The following LARP1 variants were observed in gnomAD, a reference collection of about 807,000 sequenced individuals.
LARP1 encodes La ribonucleoprotein 1, translational regulator.
Under a neutral mutation model 122.7 loss-of-function variants are expected in LARP1, and 36 were observed. That is an observed-to-expected ratio of 0.29 (90% confidence interval 0.22 to 0.39). The LOEUF (loss-of-function observed/expected upper bound fraction) is 0.39. LARP1 is among the 10% of genes least tolerant of loss of function. LARP1 has a pLI of 1.00. For synonymous variants in LARP1, 539 were observed against 528.7 expected, an observed-to-expected ratio of 1.02 and a Z score of -0.27; for missense variants, 1,040 against 1,403.6, an observed-to-expected ratio of 0.74 and a Z score of 4.14.
chr5:154,701,475 C>G (rs912181752), intron 1 of LARP1, among the ~76,000 whole-genome samples: 1 of 152,144 alleles, frequency 6.6e-6, no homozygotes, highest in African/African-American at 2.4e-5. Flanking sequence ...CTGACTCCAG[C>G]CCATAGGGAA....
chr5:154,747,004 A>G (rs896904730), intron 1 of LARP1, among the ~76,000 whole-genome samples: 2 of 151,978 alleles, frequency 1.3e-5, no homozygotes, highest in Non-Finnish European at 2.9e-5. Context: ...GCATTTGGGC[A>G]CCTGTAATCT....
At chr5:154,693,797 A>G (rs920535280) in intron 1 of LARP1, among the ~76,000 whole-genome samples, 2 of 151,228 alleles carry the variant, frequency 1.3e-5, no homozygotes, top group Non-Finnish European at 2.9e-5. Flanking sequence ...CGGAGCTTGC[A>G]GTGAGCCGAG....
intron 15 of LARP1, 66 bp from the exon 16 acceptor site, chr5:154,808,393 C>T (rs1286808340): frequency 6.4e-7 from 1 of 1,560,896 alleles, no homozygotes; most frequent in Non-Finnish European, 8.7e-7. Context: ...GTTCCAGGAT[C>T]CTTTCTCCCT....
intron 1 of LARP1, among the ~76,000 whole-genome samples, chr5:154,686,317 G>T (rs1753940384): frequency 6.6e-5 from 10 of 152,290 alleles, no homozygotes; most frequent in Admixed American, 6.5e-4. Context: ...AAGAGGTGGT[G>T]TTTTGGCTGG....
chr5:154,801,931 C>T (rs1335642462), intron 10 of LARP1, 76 bp from the exon 11 acceptor site: 2 of 1,419,436 alleles, frequency 1.4e-6, no homozygotes, highest in African/African-American at 2.9e-5. Flanking sequence ...TGGAGCTTCC[C>T]TCTCATGGTA....
Position 154,781,218 on chromosome 5 carries a change from G to A in LARP1, c.437-9107G>A, listed in dbSNP as rs190526641. 5.9e-5 allele frequency among the ~76,000 whole-genome samples: 9 copies of A among 152,274 alleles called. No individual in the cohort carries two copies. The East Asian group carries it at 9.6e-4, about 16-fold the overall frequency. The stretch of plus-strand genomic sequence containing the variant: ...GTGTGCCTAGCAACCTGTCTGAGAC[G>A]ATTGGCTTCTGAAGTCCAGGGCCTA... On this transcript the variant is annotated intron_variant, in intron 1 of 18. Transcript: ENST00000518297.
chr5:154,697,888 C>A (rs887805854), intron 1 of LARP1, among the ~76,000 whole-genome samples: 1 of 152,220 alleles, frequency 6.6e-6, no homozygotes, highest in East Asian at 1.9e-4. Flanking sequence ...TGCAGTGGTG[C>A]CATCATGGCT....
intron 1 of LARP1, among the ~76,000 whole-genome samples, chr5:154,714,419 A>T (rs979393740): frequency 6.6e-6 from 1 of 152,222 alleles, no homozygotes; most frequent in Admixed American, 6.5e-5. Context: ...ACAAAAAGAA[A>T]GGGGAAATAG....
At position 154,756,125 on chromosome 5, in the gene LARP1, A is replaced by C; in HGVS notation, c.368A>C (p.Lys123Thr). 1 of 1,280,146 alleles carries C rather than the reference A, an allele frequency of 7.8e-7. No homozygotes were observed. The highest frequency in any genetic ancestry group is 1.0e-6 in the Non-Finnish European group (1 of 981,858). The allele number at this position is 1,280,146 out of a possible 1,614,324, so 79.3% of individuals were successfully genotyped here. A position where few individuals can be genotyped will look rare whatever the true frequency, so the allele number is the denominator to read the frequency against. ...RRDFVEAPPP[K>T]VNPWTKNALP... is the part of the protein sequence containing the mutation. Reference sequence around the variant, plus strand: ...GACTTCGTGGAAGCCCCCCCGCCCAAGGTGAACCCGTGGACTAAGAACGCA... The same window carrying C: ...GACTTCGTGGAAGCCCCCCCGCCCACGGTGAACCCGTGGACTAAGAACGCA... The change falls in exon 1 of 19, where the codon AAG (lysine) becomes ACG (threonine). Residue 123 changes from lysine (K) to threonine (T), a missense_variant. Transcript: ENST00000518297.
intron 1 of LARP1, among the ~76,000 whole-genome samples, chr5:154,713,451 CCAAT>C (rs1247289305): frequency 1.8e-4 from 27 of 152,184 alleles, no homozygotes; most frequent in African/African-American, 5.8e-4. Context: ...CCTGTAATAG[CCAAT>C]CAGTGTTTTT....
intron 18 of LARP1, among the ~76,000 whole-genome samples, chr5:154,812,293 C>G (rs1395706875): frequency 1.3e-5 from 2 of 152,072 alleles, no homozygotes; most frequent in African/African-American, 4.8e-5. Context: ...ATTAGACTAG[C>G]CCTTAACATT....
intron 1 of LARP1, 43 bp downstream of exon 1, chr5:154,756,236 CG>C (rs1753882851): frequency 3.3e-6 from 4 of 1,196,762 alleles, no homozygotes; most frequent in Admixed American, 3.8e-5. Flanking sequence ...GGGCCTCTTC[CG>C]GGGACATGGG....
intron 1 of LARP1, among the ~76,000 whole-genome samples, chr5:154,715,040 C>T (rs1451834598): frequency 7.9e-5 from 12 of 151,470 alleles, no homozygotes; most frequent in African/African-American, 1.2e-4. Flanking sequence ...ATTAGCTGGG[C>T]GGAGTGGTGG....
intron 1 of LARP1, among the ~76,000 whole-genome samples, chr5:154,777,521 AAAAAG>A (rs1756015887): frequency 6.6e-6 from 1 of 152,220 alleles, no homozygotes; most frequent in African/African-American, 2.4e-5. Context: ...ACTCTGTATC[AAAAAG>A]AAAAAGTACT....
intron 1 of LARP1, among the ~76,000 whole-genome samples, chr5:154,782,991 C>G (rs1490520728): frequency 6.6e-6 from 1 of 152,138 alleles, no homozygotes; most frequent in Non-Finnish European, 1.5e-5. Flanking sequence ...TGAAAGTAGC[C>G]AGGCTTTTCA....
chr5:154,775,467 C>G (rs1463228332), intron 1 of LARP1, among the ~76,000 whole-genome samples: 1 of 148,546 alleles, frequency 6.7e-6, no homozygotes, highest in Non-Finnish European at 1.5e-5. Flanking sequence ...GCATTCCAGT[C>G]TGGGTAACAA....
At chr5:154,708,177 A>G (rs1423946495), upstream of LARP1, among the ~76,000 whole-genome samples, 2 of 152,232 alleles carry the variant, frequency 1.3e-5, no homozygotes, top group African/African-American at 4.8e-5. Flanking sequence ...GCACTGGCTC[A>G]GTCTCTTTCT....
chr5:154,730,763 T>C (rs984668743), intron 1 of LARP1, among the ~76,000 whole-genome samples: 3 of 151,866 alleles, frequency 2.0e-5, no homozygotes, highest in African/African-American at 7.3e-5. Flanking sequence ...TGAGCCACCA[T>C]GCCCAGCCAA....
intron 1 of LARP1, among the ~76,000 whole-genome samples, chr5:154,765,260 G>A (rs1260786449): frequency 6.6e-6 from 1 of 152,120 alleles, no homozygotes; most frequent in Admixed American, 6.6e-5. Flanking sequence ...ATGTTCTGTA[G>A]TGCTCTTCCC....
Sources: gnomAD v4.1 joint callset for allele counts (sites outside exome capture counted in the v4.1 genomes callset) on GRCh38, gnomAD v4.1.1 for gene constraint, MANE v1.5 for transcripts, NCBI Gene and HGNC (gene_info 2026-07-23, HGNC 2026-07-21) for gene names.